The following NWD1 variants were observed in gnomAD, a reference collection of about 807,000 sequenced individuals.
The protein encoded by NWD1 is NACHT and WD repeat domain containing 1, also known as NACHT domain- and WD repeat-containing protein 1.
NWD1 carries 129 observed loss-of-function variants against 135.1 expected under a neutral mutation model. The observed-to-expected ratio is 0.96, with a 90% CI of 0.83 to 1.11. NWD1 has a LOEUF of 1.11. Ranked by LOEUF, NWD1 falls within the 50% of genes least tolerant of loss-of-function variation. The pLI, the probability that NWD1 is intolerant of heterozygous loss-of-function variation, is 0.00. For missense variants in NWD1, 1,740 were observed against 1,851.3 expected (o/e 0.94, Z 1.10); for synonymous variants, 773 against 786.0 (o/e 0.98, Z 0.28).
chr19:16,778,494 C>CTTCTTTTTTTTTTTT (rs200410922), intron 11 of NWD1, among the ~76,000 whole-genome samples: 58 of 107,480 alleles, frequency 5.4e-4, no homozygotes, highest in African/African-American at 2.5e-3. Context: ...TCTTCTTCTT[C>CTTCTTTTTTTTTTTT]TTTTTTTTTT....
intron 2 of NWD1, among the ~76,000 whole-genome samples, chr19:16,729,032 G>A (rs531535601): frequency 6.6e-6 from 1 of 151,856 alleles, no homozygotes; most frequent in African/African-American, 2.4e-5. Flanking sequence ...TTGGGAGGCC[G>A]AGGTGGGAGA....
At chr19:16,785,476 A>G (rs1466810888) in intron 12 of NWD1, among the ~76,000 whole-genome samples, 2 of 151,778 alleles carry the variant, frequency 1.3e-5, no homozygotes, top group African/African-American at 4.8e-5. Context: ...GCGTCACTGC[A>G]CTCCAGCCTG....
At position 16,763,857 on chromosome 19, in the gene NWD1, T is replaced by C. The variant is rs370261916; in HGVS notation, c.2163T>C (p.His721=). ...CCCCGCAGCCTCTGTGGTTCTCACATACGGTTGCAAACCTGCGGAAGCTGA... is the reference window on the plus strand; with the variant it reads ...CCCCGCAGCCTCTGTGGTTCTCACACACGGTTGCAAACCTGCGGAAGCTGA... ...KVAPQPLWFS[H]TVANLRKLKE... The change falls in exon 9 of 19, where the codon CAT becomes CAC. Residue 721 remains histidine (H), a synonymous_variant. Transcript: ENST00000524140. 2.9e-5 allele frequency: 47 copies of C among 1,613,806 alleles called. No individual in the cohort carries two copies. Among genetic ancestry groups the C allele is most frequent in the South Asian group, 4.4e-5 (4 of 91,084 alleles).
intron 10 of NWD1, among the ~76,000 whole-genome samples, chr19:16,765,450 C>T (rs926017739): frequency 5.9e-5 from 9 of 152,146 alleles, no homozygotes; most frequent in African/African-American, 2.2e-4. Flanking sequence ...CCTCCCACCT[C>T]AGCCTCCTGA....
intron 2 of NWD1, among the ~76,000 whole-genome samples, chr19:16,730,959 G>A (rs1295214900): frequency 3.0e-5 from 4 of 133,758 alleles, no homozygotes; most frequent in African/African-American, 5.7e-5. Flanking sequence ...GGCTTTAGCC[G>A]CAGGCCAGGC....
rs536327337 is a variant in NWD1, at chr19:16,762,020, C to T, written c.2015C>T (p.Ser672Phe). ...EVVRERYLSG[S>F]ERAKRHGVLA... Reference sequence around the variant, plus strand: ...GTCCGTGAGCGCTACCTGTCAGGATCCGAGAGAGCCAAGAGGCATGGCGTC... The same window carrying T: ...GTCCGTGAGCGCTACCTGTCAGGATTCGAGAGAGCCAAGAGGCATGGCGTC... The change falls in exon 8 of 19, where the codon TCC (serine) becomes TTC (phenylalanine). Residue 672 changes from serine to phenylalanine, a missense_variant. Ser to Phe is a radical substitution (Grantham distance 155). Coordinates refer to ENST00000524140, the MANE Select transcript of NWD1 (RefSeq NM_001007525.5). The T allele has an allele frequency of 3.1e-6, 5 of 1,614,042 alleles. No homozygotes were observed. Among genetic ancestry groups the T allele is most frequent in the South Asian group, 1.1e-5 (1 of 91,068 alleles).
chr19:16,754,228 C>G (rs933247784), intron 6 of NWD1, among the ~76,000 whole-genome samples: 3 of 150,420 alleles, frequency 2.0e-5, no homozygotes, highest in Non-Finnish European at 4.4e-5. Context: ...ATCCATCTAT[C>G]CATCCATCCA....
intron 9 of NWD1, among the ~76,000 whole-genome samples, chr19:16,764,487 C>CCATCCACT (rs1021851604): frequency 3.9e-5 from 6 of 151,934 alleles, no homozygotes; most frequent in Admixed American, 6.6e-5. Context: ...ATCCATCCAT[C>CCATCCACT]CATCCACTCA....
intron 18 of NWD1, among the ~76,000 whole-genome samples, chr19:16,814,787 T>C (rs1971018954): frequency 6.6e-6 from 1 of 152,152 alleles, no homozygotes. Context: ...AAACCTACAC[T>C]AAGCACATGA....
Position 16,744,663 on chromosome 19 carries a change from G to A in NWD1, c.441G>A (p.Glu147=), listed in dbSNP as rs1968230343. 1.3e-6 allele frequency: 2 copies of A among 1,536,044 alleles called. No homozygotes were observed. Among genetic ancestry groups the A allele is most frequent in the African/African-American group, 1.4e-5 (1 of 73,150 alleles). The change falls in exon 5 of 19, where the codon GAG becomes GAA. Residue 147 remains glutamate (E), a synonymous_variant. Transcript: ENST00000524140. ...CTGTCCTACGCTCTGGAGCCCAGGA[G>A]GCCCGGAGGCTGGGGCTCATCACCC... is the stretch of plus-strand genomic sequence containing the variant. ...LTSVLRSGAQ[E]ARRLGLITQE... is the part of the protein sequence containing the mutation.
At chr19:16,779,552 G>A (rs1969783563) in intron 12 of NWD1, 87 bp downstream of exon 12, 1 of 1,269,832 alleles carries the variant, frequency 7.9e-7, no homozygotes, top group East Asian at 2.3e-5. Context: ...TCACTTCTCT[G>A]TATTGAAACC....
intron 5 of NWD1, among the ~76,000 whole-genome samples, chr19:16,745,304 T>C (rs1480289038): frequency 3.3e-5 from 5 of 152,098 alleles, no homozygotes; most frequent in African/African-American, 1.2e-4. Context: ...GTGTGAATTA[T>C]GGGAGCTACA....
chr19:16,812,654 A>G, intron 18 of NWD1: 1 of 759,650 alleles, frequency 1.3e-6, no homozygotes, highest in South Asian at 1.4e-5. Context: ...GGGCAACAAG[A>G]GTGAAACTCC....
chr19:16,730,560 A>T (rs529181065), intron 2 of NWD1, among the ~76,000 whole-genome samples: 7 of 151,918 alleles, frequency 4.6e-5, no homozygotes, highest in African/African-American at 9.7e-5. Flanking sequence ...CAAAAAATTT[A>T]AAAAAATATA....
chr19:16,723,822 C>T (rs1192448736), intron 1 of NWD1, among the ~76,000 whole-genome samples: 3 of 151,978 alleles, frequency 2.0e-5, no homozygotes, highest in Non-Finnish European at 4.4e-5. Context: ...GAGCCCCCCA[C>T]GTAGCTGGGA....
rs1971022941 is a variant in NWD1, at chr19:16,814,929, T to C, written c.4288-99T>C. The C allele has an allele frequency of 1.6e-5, 16 of 996,066 alleles. No individual in the cohort carries two copies. The South Asian group carries it at 2.1e-4, about 13-fold the overall frequency. 61.7% of individuals were successfully genotyped at this position (996,066 alleles called of 1,614,324 possible). ...GTCATGCCAAAATTAGTAGAGGGCA[T>C]AGCAGGAATTTTATTCCATGCAGCC... On this transcript the variant is annotated intron_variant, in intron 18 of 18. Transcript: ENST00000524140.
In NWD1 at chr19:16,750,126, T is replaced by G; in HGVS notation, c.1484T>G (p.Leu495Arg). Reference sequence around the variant, plus strand: ...GAGGCCTACTGGGAGGTGAAGCCCCTTTCCGGAAACCAAGGCCAGCAGATG... The same window carrying G: ...GAGGCCTACTGGGAGGTGAAGCCCCGTTCCGGAAACCAAGGCCAGCAGATG... ...DPEAYWEVKP[L>R]SGNQGQQMIQ... Residue 495 changes from leucine (L) to arginine (R), a missense_variant, in exon 6 of 19, where the codon CTT becomes CGT. Coordinates refer to ENST00000524140, the MANE Select transcript of NWD1 (RefSeq NM_001007525.5). The G allele has an allele frequency of 1.2e-6, 2 of 1,613,988 alleles. No individual in the cohort carries two copies. Among genetic ancestry groups the G allele is most frequent in the Non-Finnish European group, 1.7e-6 (2 of 1,180,012 alleles).
chr19:16,813,399 T>C (rs1970983000), intron 18 of NWD1, among the ~76,000 whole-genome samples: 2 of 152,180 alleles, frequency 1.3e-5, no homozygotes, highest in Admixed American at 6.6e-5. Context: ...AATGTTTATA[T>C]ATGGTGTCTT....
At position 16,744,340 on chromosome 19, in the gene NWD1, G is replaced by A. The variant is rs1401967045; in HGVS notation, c.199-81G>A. ...TGCAGTGAGCCATGGTTGTACCACC[G>A]CACTCCAGCCTGGGCGACAGAGCAA... On this transcript the variant is annotated intron_variant, in intron 4 of 18. Coordinates refer to ENST00000524140, the MANE Select transcript of NWD1 (RefSeq NM_001007525.5). 8 of 1,234,754 alleles carry A rather than the reference G, an allele frequency of 6.5e-6. No individual in the cohort carries two copies. In the East Asian group the frequency reaches 7.6e-5, roughly 12 times the overall value. 76.5% of individuals were successfully genotyped at this position (1,234,754 alleles called of 1,614,324 possible). A position where few individuals can be genotyped will look rare whatever the true frequency, so the allele number is the denominator to read the frequency against.
Sources: gnomAD v4.1 joint callset for allele counts (sites outside exome capture counted in the v4.1 genomes callset) on GRCh38, gnomAD v4.1.1 for gene constraint, MANE v1.5 for transcripts, NCBI Gene and HGNC (gene_info 2026-07-23, HGNC 2026-07-21) for gene names.